MACROD2: variants seen among roughly 807,000 people sequenced by gnomAD.
MACROD2 encodes the protein mono-ADP ribosylhydrolase 2, also known as ADP-ribose glycohydrolase MACROD2.
In MACROD2, 36 loss-of-function variants were observed where a neutral mutation model predicts 70.4. That is an observed-to-expected ratio of 0.51 (90% CI 0.39 to 0.68). The LOEUF (loss-of-function observed/expected upper bound fraction) is 0.68. MACROD2 is among the 30% of genes least tolerant of loss of function. The probability of loss-of-function intolerance (pLI) is 0.00; values close to 1 mark genes in which losing one functional copy is unlikely to be tolerated. For synonymous variants in MACROD2, 172 were observed against 178.8 expected, an observed-to-expected ratio of 0.96 and a Z score of 0.30; for missense variants, 496 against 538.4, an observed-to-expected ratio of 0.92 and a Z score of 0.78.
chr20:14,916,798 C>T (rs1475065936), intron 5 of MACROD2, among the ~76,000 whole-genome samples: 1 of 152,076 alleles, frequency 6.6e-6, no homozygotes, highest in Non-Finnish European at 1.5e-5. Flanking sequence ...GTATAATTCC[C>T]GTATTCCCTG....
intron 5 of MACROD2, among the ~76,000 whole-genome samples, chr20:14,958,211 A>G (rs1044593195): frequency 6.6e-6 from 1 of 152,178 alleles, no homozygotes; most frequent in Non-Finnish European, 1.5e-5. Context: ...AAAGGATGCA[A>G]CAAATTTATG....
intron 4 of MACROD2, among the ~76,000 whole-genome samples, chr20:14,680,961 A>G (rs553163220): frequency 6.6e-6 from 1 of 152,290 alleles, no homozygotes; most frequent in African/African-American, 2.4e-5. Flanking sequence ...AGTAATAAAA[A>G]GACAACAAAA....
intron 5 of MACROD2, among the ~76,000 whole-genome samples, chr20:14,698,342 T>C (rs944003904): frequency 1.3e-5 from 2 of 152,166 alleles, no homozygotes. Flanking sequence ...AACCTCTTTG[T>C]GCCTCCGTTT....
At chr20:15,167,766 C>T (rs978454208) in intron 5 of MACROD2, among the ~76,000 whole-genome samples, 2 of 152,090 alleles carry the variant, frequency 1.3e-5, no homozygotes, top group Admixed American at 6.6e-5. Flanking sequence ...TACAAACACA[C>T]CAGTTCTGAC....
At chr20:15,486,228 T>G (rs78841424) in intron 7 of MACROD2, among the ~76,000 whole-genome samples, 2 of 152,170 alleles carry the variant, frequency 1.3e-5, no homozygotes, top group African/African-American at 4.8e-5. Context: ...GAATCCATAC[T>G]TGATCTTAAA....
intron 8 of MACROD2, among the ~76,000 whole-genome samples, chr20:15,689,755 G>C (rs2050275616): frequency 6.6e-6 from 1 of 152,142 alleles, no homozygotes; most frequent in Admixed American, 6.5e-5. Context: ...CTGGGAGCAG[G>C]GGACACCTTG....
At chr20:14,491,652 T>G (rs1313037376) in intron 3 of MACROD2, among the ~76,000 whole-genome samples, 1 of 152,324 alleles carries the variant, frequency 6.6e-6, no homozygotes, top group East Asian at 1.9e-4. Context: ...CAGATGGGCC[T>G]TGGGCTGTGC....
intron 3 of MACROD2, among the ~76,000 whole-genome samples, chr20:14,090,409 CTGAAAATACA>C (rs1369551167): frequency 6.6e-6 from 1 of 152,022 alleles, no homozygotes; most frequent in African/African-American, 2.4e-5. Context: ...CCCGTCTCTA[CTGAAAATACA>C]AAAATTAGCT....
chr20:14,944,172 A>G (rs542369849), intron 5 of MACROD2, among the ~76,000 whole-genome samples: 1 of 152,128 alleles, frequency 6.6e-6, no homozygotes, highest in Non-Finnish European at 1.5e-5. Flanking sequence ...ATGTTAAAAT[A>G]TAAAGAAGAA....
At position 14,784,253 on chromosome 20, in the gene MACROD2, C is replaced by T. The variant is rs200450829; in HGVS notation, c.418+99294C>T. Among the ~76,000 whole-genome samples the T allele has an allele frequency of 2.0e-5, 3 of 152,126 alleles. No individual in the cohort carries two copies. The East Asian group carries it at 5.8e-4, about 29-fold the overall frequency. On this transcript the variant is annotated intron_variant, in intron 5 of 17. Coordinates refer to ENST00000684519, the MANE Select transcript of MACROD2 (RefSeq NM_001351661.2). Reference sequence around the variant, plus strand: ...TGCTGTTTTTGCTGTCTTCTAGCCACATATGTCTGCTTTCTTGCCTGTTAA... The same window carrying T: ...TGCTGTTTTTGCTGTCTTCTAGCCATATATGTCTGCTTTCTTGCCTGTTAA...
chr20:15,654,112 A>G (rs1300396331), intron 8 of MACROD2, among the ~76,000 whole-genome samples: 2 of 152,170 alleles, frequency 1.3e-5, no homozygotes, highest in Non-Finnish European at 1.5e-5. Context: ...GCCGGCCCTA[A>G]CTTATGTGAC....
intron 6 of MACROD2, among the ~76,000 whole-genome samples, chr20:15,377,119 T>C (rs890331266): frequency 6.6e-6 from 1 of 152,162 alleles, no homozygotes; most frequent in East Asian, 1.9e-4. Flanking sequence ...CTCGATCTCC[T>C]GACCTCGTGA....
intron 8 of MACROD2, among the ~76,000 whole-genome samples, chr20:15,829,855 T>A (rs2064035540): frequency 6.6e-6 from 1 of 152,132 alleles, no homozygotes; most frequent in Admixed American, 6.5e-5. Context: ...CAGAAGGGAT[T>A]TAACTAACTC....
chr20:15,661,864 C>T (rs1325639594), intron 8 of MACROD2, among the ~76,000 whole-genome samples: 1 of 152,156 alleles, frequency 6.6e-6, no homozygotes, highest in Admixed American at 6.5e-5. Context: ...TAATGCATCC[C>T]ACATTCGTAG....
intron 8 of MACROD2, among the ~76,000 whole-genome samples, chr20:15,509,642 G>A (rs1173075186): frequency 1.3e-5 from 2 of 152,180 alleles, no homozygotes; most frequent in South Asian, 2.1e-4. Context: ...AAGTAGAGTG[G>A]TAAGAGGTAG....
At chr20:15,249,333 T>A (rs924261004) in intron 6 of MACROD2, among the ~76,000 whole-genome samples, 1 of 152,188 alleles carries the variant, frequency 6.6e-6, no homozygotes, top group Non-Finnish European at 1.5e-5. Context: ...CCAGCCACCA[T>A]TTTCTGTCAC....
In MACROD2 at chr20:15,449,148, G is replaced by A. The variant is rs571846782; in HGVS notation, c.571+17713G>A. ...CATGTGGCATCCCTGTCCCCTCACC[G>A]TCTAATATGGCACCTGTTCCATGGA... On this transcript the variant is annotated intron_variant, in intron 7 of 17. Transcript: ENST00000684519. Among the ~76,000 whole-genome samples the A allele has an allele frequency of 5.9e-5, 9 of 152,202 alleles. No homozygotes were observed. In the South Asian group the frequency reaches 1.0e-3, roughly 18 times the overall value.
At chr20:14,865,102 C>A (rs377623833) in intron 5 of MACROD2, among the ~76,000 whole-genome samples, 1 of 152,062 alleles carries the variant, frequency 6.6e-6, no homozygotes. Context: ...GGGGAACATA[C>A]CTCCCACAGG....
intron 6 of MACROD2, among the ~76,000 whole-genome samples, chr20:15,270,624 A>T (rs567985069): frequency 1.8e-4 from 27 of 152,200 alleles, no homozygotes; most frequent in South Asian, 4.1e-4. Context: ...AGATAAAATT[A>T]AAAAAATACC....
Sources: allele counts gnomAD v4.1 joint callset (sites outside exome capture counted in the v4.1 genomes callset), GRCh38; gene constraint gnomAD v4.1.1; transcripts MANE v1.5; gene names NCBI Gene and HGNC (gene_info 2026-07-23, HGNC 2026-07-21).